The following NFKB1 variants were observed in gnomAD, a reference collection of about 807,000 sequenced individuals.
NFKB1 encodes the protein nuclear factor NF-kappa-B p105 subunit.
A neutral mutation model predicts 105.1 loss-of-function variants in NFKB1; 9 were observed. That is an observed-to-expected ratio of 0.09 (90% CI 0.05 to 0.15). NFKB1 has a LOEUF of 0.15. NFKB1 is among the 10% of genes least tolerant of loss of function. NFKB1 has a pLI of 1.00. For synonymous variants in NFKB1, 440 were observed against 442.2 expected (o/e 1.00, Z 0.06); for missense variants, 830 against 1,203.7 (o/e 0.69, Z 4.59).
intron 6 of NFKB1, among the ~76,000 whole-genome samples, chr4:102,569,303 A>G (rs1178920721): frequency 6.6e-6 from 1 of 152,098 alleles, no homozygotes; most frequent in Non-Finnish European, 1.5e-5. Context: ...GGGGACCTTA[A>G]TGTCTTCCCT....
rs1478091106 is a variant in NFKB1, at chr4:102,511,331, A to G, written c.-8+9543A>G. On this transcript the variant is annotated intron_variant, in intron 1 of 23. Coordinates refer to ENST00000226574, the MANE Select transcript of NFKB1 (RefSeq NM_003998.4). ...GACAAGGCACACAGTGCCAAACAAGACAGAAATCCAGAAATTCATGGAGCT... is the reference window on the plus strand; with the variant it reads ...GACAAGGCACACAGTGCCAAACAAGGCAGAAATCCAGAAATTCATGGAGCT... Among the ~76,000 whole-genome samples the G allele has an allele frequency of 2.6e-5, 4 of 152,254 alleles. No homozygotes were observed. The East Asian group carries it at 7.7e-4, about 29-fold the overall frequency.
intron 6 of NFKB1, among the ~76,000 whole-genome samples, chr4:102,571,513 C>T (rs1162094792): frequency 6.6e-6 from 1 of 152,110 alleles, no homozygotes; most frequent in African/African-American, 2.4e-5. Flanking sequence ...AGCTTCTCCG[C>T]AGCAAAAGAA....
rs1416330231 is a variant in NFKB1 at position 102,612,559 on chromosome 4, T to A, written c.2545T>A (p.Phe849Ile). ...KLGLGILNNA[F>I]RLSPAPSKTL... ...AGGTCTGGGGATACTTAATAATGCCTTCCGGCTGAGTCCTGCTCCTTCCAA... is the reference window on the plus strand; with the variant it reads ...AGGTCTGGGGATACTTAATAATGCCATCCGGCTGAGTCCTGCTCCTTCCAA... The change falls in exon 22 of 24, where the codon TTC becomes ATC. Residue 849 changes from phenylalanine to isoleucine, a missense_variant. By Grantham distance (21) the Phe-to-Ile change is conservative. Coordinates refer to ENST00000226574, the MANE Select transcript of NFKB1 (RefSeq NM_003998.4). The A allele has an allele frequency of 3.7e-6, 6 of 1,614,018 alleles. No homozygotes were observed. The highest frequency in any genetic ancestry group is 5.1e-6 in the Non-Finnish European group (6 of 1,180,014).
At chr4:102,502,380 G>T (rs1172601581) in intron 1 of NFKB1, among the ~76,000 whole-genome samples, 2 of 100,766 alleles carry the variant, frequency 2.0e-5, no homozygotes, top group African/African-American at 1.2e-4. Flanking sequence ...CTCCGTGCGC[G>T]CGCGCGCGCG....
chr4:102,557,434 G>A (rs1015569958), intron 5 of NFKB1, among the ~76,000 whole-genome samples: 5 of 152,148 alleles, frequency 3.3e-5, no homozygotes, highest in Admixed American at 3.3e-4. Context: ...TTACTCCAAA[G>A]CCTGTGCTCT....
In NFKB1 at chr4:102,577,014, A is replaced by T; in HGVS notation, c.546A>T (p.Glu182Asp). The change falls in exon 7 of 24, where the codon GAA (glutamate) becomes GAT (aspartate). Residue 182 changes from glutamate to aspartate, a missense_variant. Coordinates refer to ENST00000226574, the MANE Select transcript of NFKB1 (RefSeq NM_003998.4). ...CTGACCTTGCCTATTTGCAAGCAGA[A>T]GGTGGAGGGGACCGGCAGCTGGGAG... ...VHPDLAYLQA[E>D]GGGDRQLGDR... 1 of 1,612,668 alleles carries T rather than the reference A, an allele frequency of 6.2e-7. No individual in the cohort carries two copies. Among genetic ancestry groups the T allele is most frequent in the East Asian group, 2.2e-5 (1 of 44,848 alleles).
In NFKB1 at chr4:102,537,843, C is replaced by CTAA; in HGVS notation, c.160-15_160-14insTAA. On this transcript the variant is annotated splice_polypyrimidine_tract_variant and intron_variant, in intron 4 of 23. Coordinates refer to ENST00000226574, the MANE Select transcript of NFKB1 (RefSeq NM_003998.4). The stretch of plus-strand genomic sequence containing the variant: ...TATTTCTCAAACTTAATTGGCTTAA[C>CTAA]GTTCACCTTTGCAGAGAGGATTTCG... The CTAA allele has an allele frequency of 6.5e-7, 1 of 1,529,780 alleles. No individual in the cohort carries two copies. 94.8% of individuals were successfully genotyped at this position (1,529,780 alleles called of 1,614,324 possible).
Position 102,537,914 on chromosome 4 carries a change from T to G in NFKB1, c.216T>G (p.Gly72=), listed in dbSNP as rs1270285030. 6.2e-7 allele frequency: 1 copy of G among 1,612,586 alleles called. No homozygotes were observed. The highest frequency in any genetic ancestry group is 1.3e-5 in the African/African-American group (1 of 74,850). Residue 72 remains glycine (G), a synonymous_variant, in exon 5 of 24, where the codon GGT becomes GGG. Coordinates refer to ENST00000226574, the MANE Select transcript of NFKB1 (RefSeq NM_003998.4). The part of the protein sequence containing the change: ...CEGPSHGGLP[G]ASSEKNKKSY... ...GCCCATCCCATGGTGGACTACCTGGTGCCTCTAGTGAAAAGAACAAGAAGT... is the reference window on the plus strand; with the variant it reads ...GCCCATCCCATGGTGGACTACCTGGGGCCTCTAGTGAAAAGAACAAGAAGT...
intron 12 of NFKB1, among the ~76,000 whole-genome samples, chr4:102,594,428 A>T (rs1726435893): frequency 6.6e-6 from 1 of 152,220 alleles, no homozygotes; most frequent in South Asian, 2.1e-4. Context: ...GTTTTCCCAA[A>T]GAGTTGTACC....
At chr4:102,521,263 A>G (rs1740556477) in intron 1 of NFKB1, among the ~76,000 whole-genome samples, 1 of 152,192 alleles carries the variant, frequency 6.6e-6, no homozygotes, top group African/African-American at 2.4e-5. Context: ...TTTTATGCAA[A>G]GTATTTTGTT....
At chr4:102,613,947 C>T (rs1486384407) in intron 23 of NFKB1, among the ~76,000 whole-genome samples, 5 of 152,186 alleles carry the variant, frequency 3.3e-5, no homozygotes, top group African/African-American at 1.2e-4. Context: ...ATGACACTGA[C>T]CTTGTCCCCC....
At chr4:102,527,273 T>C (rs578140391) in intron 2 of NFKB1, among the ~76,000 whole-genome samples, 46 of 152,342 alleles carry the variant, frequency 3.0e-4, no homozygotes, top group Middle Eastern at 3.4e-3. Context: ...GCAGCATCAC[T>C]AGGTGCTACC....
At chr4:102,543,963 A>G (rs913919645) in intron 5 of NFKB1, among the ~76,000 whole-genome samples, 7 of 152,076 alleles carry the variant, frequency 4.6e-5, no homozygotes, top group African/African-American at 1.4e-4. Context: ...AAATAACCAT[A>G]CCCCTATGTA....
At chr4:102,556,278 A>G (rs1169450011) in intron 5 of NFKB1, among the ~76,000 whole-genome samples, 3 of 152,164 alleles carry the variant, frequency 2.0e-5, no homozygotes, top group Non-Finnish European at 4.4e-5. Flanking sequence ...AACAGCTGGA[A>G]ATTTTGCACA....
At chr4:102,525,874 C>T (rs1410051308) in intron 2 of NFKB1, among the ~76,000 whole-genome samples, 1 of 152,144 alleles carries the variant, frequency 6.6e-6, no homozygotes, top group Non-Finnish European at 1.5e-5. Flanking sequence ...CATTATTTCA[C>T]AGTTCTGGGG....
At chr4:102,515,107 A>ATTTTTT (rs34257045) in intron 1 of NFKB1, among the ~76,000 whole-genome samples, 2,459 of 95,370 alleles carry the variant, frequency 0.026, 60 homozygotes, top group Non-Finnish European at 0.036. Flanking sequence ...TATTATTATT[A>ATTTTTT]TTTTTTTTTT....
intron 5 of NFKB1, among the ~76,000 whole-genome samples, chr4:102,559,286 T>C (rs1723213909): frequency 1.3e-5 from 2 of 152,102 alleles, no homozygotes; most frequent in South Asian, 4.2e-4. Context: ...CATAGAAAAA[T>C]GTAATCATAT....
Position 102,616,664 on chromosome 4 carries a change from A to G in NFKB1, c.*70A>G. The stretch of plus-strand genomic sequence containing the variant: ...TCCACTGCGTTGTCCACAAGACAGA[A>G]GCTGAAGTGCATCCAAAGGTGCTCA... On this transcript the variant is annotated 3_prime_UTR_variant, in exon 24 of 24. Transcript: ENST00000226574. The G allele has an allele frequency of 2.6e-6, 4 of 1,519,626 alleles. No homozygotes were observed. The highest frequency in any genetic ancestry group is 1.8e-5 in the Admixed American group (1 of 55,618). The allele number at this position is 1,519,626 out of a possible 1,614,324, so 94.1% of individuals were successfully genotyped here. A position where few individuals can be genotyped will look rare whatever the true frequency, so the allele number is the denominator to read the frequency against.
intron 1 of NFKB1, among the ~76,000 whole-genome samples, chr4:102,509,943 A>G (rs1739668789): frequency 6.6e-6 from 1 of 152,154 alleles, no homozygotes; most frequent in African/African-American, 2.4e-5. Context: ...TCACAAGCTG[A>G]TTCTCGCACA....
Sources: allele counts gnomAD v4.1 joint callset (sites outside exome capture counted in the v4.1 genomes callset), GRCh38; gene constraint gnomAD v4.1.1; transcripts MANE v1.5; gene names NCBI Gene and HGNC (gene_info 2026-07-23, HGNC 2026-07-21).